Variants in SPNS2 observed in about 807,000 individuals in gnomAD.
SPNS2 encodes the protein SPNS lysolipid transporter 2, sphingosine-1-phosphate, also known as sphingosine-1-phosphate transporter SPNS2.
In SPNS2, 37 loss-of-function variants were observed where a neutral mutation model predicts 57.6. The observed-to-expected ratio is 0.64, with a 90% CI of 0.49 to 0.85. The LOEUF (loss-of-function observed/expected upper bound fraction) is 0.85, where lower values mean the gene tolerates loss of function less well. SPNS2 is among the 40% of genes least tolerant of loss of function. The probability of loss-of-function intolerance (pLI) is 0.00; values close to 1 mark genes in which losing one functional copy is unlikely to be tolerated. For synonymous variants in SPNS2, 440 were observed against 346.9 expected (o/e 1.27, Z -2.98); for missense variants, 831 against 779.1 (o/e 1.07, Z -0.79).
At chr17:4,513,806 G>C (rs1330439184) in intron 2 of SPNS2, among the ~76,000 whole-genome samples, 1 of 152,226 alleles carries the variant, frequency 6.6e-6, no homozygotes, top group Non-Finnish European at 1.5e-5. Context: ...CAGCCCCAGA[G>C]CGGTTCCCAA....
At position 4,533,238 on chromosome 17, in the gene SPNS2, C is replaced by T. The variant is rs763638535; in HGVS notation, c.1089-5C>T. On this transcript the variant is annotated splice_polypyrimidine_tract_variant and splice_region_variant and intron_variant, in intron 7 of 12. Coordinates refer to ENST00000329078, the MANE Select transcript of SPNS2 (RefSeq NM_001124758.3). The stretch of plus-strand genomic sequence containing the variant: ...CTCGTGCGCCACCATCCTCTGTCCC[C>T]ACAGCCTCATCTTTGGGGCCATCAC... 3.8e-6 allele frequency: 6 copies of T among 1,595,056 alleles called. No individual in the cohort carries two copies. In the Admixed American group the frequency reaches 1.0e-4, roughly 27 times the overall value.
In SPNS2 at chr17:4,511,069, A is replaced by G. The variant is rs1267046063; in HGVS notation, c.371-2178A>G. Among the ~76,000 whole-genome samples, 4 of 152,376 alleles carry G rather than the reference A, an allele frequency of 2.6e-5. No individual in the cohort carries two copies. The highest frequency in any genetic ancestry group is 2.1e-4 in the South Asian group (1 of 4,832). ...CTGTACCATCTTCAAAGCCTCACGC[A>G]GTTCCTTGGAACTTAGCGGGAAGCG... On this transcript the variant is annotated intron_variant, in intron 1 of 12. Coordinates refer to ENST00000329078, the MANE Select transcript of SPNS2 (RefSeq NM_001124758.3). The surrounding 1 kb of genome is among the most constrained non-coding windows in gnomAD (Gnocchi z 4.6).
At chr17:4,519,849 C>T (rs1348575718) in intron 2 of SPNS2, among the ~76,000 whole-genome samples, 3 of 152,220 alleles carry the variant, frequency 2.0e-5, no homozygotes, top group Non-Finnish European at 2.9e-5. Flanking sequence ...GGCAAGGCTT[C>T]GCCTATCCTG....
At position 4,538,940 on chromosome 17, in the gene SPNS2, T is replaced by C. The variant is rs755339098; in HGVS notation, c.*1492T>C. On this transcript the variant is annotated 3_prime_UTR_variant, in exon 13 of 13. Transcript: ENST00000329078. Reference sequence around the variant, plus strand: ...TCCTTCCGGAAGCCAAACTGCTCCTTTATTTTTTAGAGCTGCTGATTGTGA... The same window carrying C: ...TCCTTCCGGAAGCCAAACTGCTCCTCTATTTTTTAGAGCTGCTGATTGTGA... 1.3e-6 allele frequency: 1 copy of C among 783,984 alleles called. No individual in the cohort carries two copies. Among genetic ancestry groups the C allele is most frequent in the Non-Finnish European group, 2.4e-6 (1 of 420,792 alleles). 48.6% of individuals were successfully genotyped at this position (783,984 alleles called of 1,614,324 possible).
chr17:4,533,094 G>T lies in SPNS2; in HGVS notation c.1053G>T (p.Glu351Asp), dbSNP rs368417189. The T allele has an allele frequency of 1.9e-6, 3 of 1,612,678 alleles. No individual in the cohort carries two copies. In the African/African-American group the frequency reaches 4.0e-5, roughly 22 times the overall value. The change falls in exon 7 of 13, where the codon GAG becomes GAT. Residue 351 changes from glutamate to aspartate, a missense_variant. By Grantham distance (45) the Glu-to-Asp change is conservative (BLOSUM62 2). Coordinates refer to ENST00000329078, the MANE Select transcript of SPNS2 (RefSeq NM_001124758.3). ...HRAQVVQKTA[E>D]TCNSPPCGAK... is the part of the protein sequence containing the mutation. ...CCCAAGTTGTGCAGAAGACAGCAGA[G>T]ACGTGCAACAGCCCGCCCTGTGGGG...
intron 1 of SPNS2, among the ~76,000 whole-genome samples, chr17:4,509,256 A>G (rs1460251153): frequency 2.0e-5 from 3 of 152,104 alleles, no homozygotes; most frequent in Non-Finnish European, 4.4e-5. Context: ...AGGTGAGAAT[A>G]TTGACTTGGG....
At chr17:4,502,478 G>A (rs1904548342) in intron 1 of SPNS2, among the ~76,000 whole-genome samples, 1 of 152,100 alleles carries the variant, frequency 6.6e-6, no homozygotes, top group South Asian at 2.1e-4. Flanking sequence ...CCCAGTATGT[G>A]TATTTTCCAT....
intron 5 of SPNS2, among the ~76,000 whole-genome samples, chr17:4,531,668 G>A (rs1047327821): frequency 3.9e-5 from 6 of 151,974 alleles, no homozygotes; most frequent in South Asian, 4.2e-4. Context: ...AGCGGCCTCC[G>A]TGGAATTTCT....
intron 11 of SPNS2, 21 bp from the exon 12 acceptor site, chr17:4,536,879 C>T (rs1430424076): frequency 6.3e-5 from 101 of 1,612,236 alleles, no homozygotes; most frequent in Non-Finnish European, 8.0e-5. Context: ...CCACCCTGAC[C>T]CCCGCCCGTC....
intron 3 of SPNS2, among the ~76,000 whole-genome samples, chr17:4,526,860 G>C (rs1160960971): frequency 6.6e-6 from 1 of 152,212 alleles, no homozygotes; most frequent in Admixed American, 6.5e-5. Context: ...CAGCTTCGCA[G>C]AGGAGGGTCA....
chr17:4,521,925 A>G (rs1905148500), intron 2 of SPNS2, among the ~76,000 whole-genome samples: 1 of 152,230 alleles, frequency 6.6e-6, no homozygotes, highest in South Asian at 2.1e-4. Flanking sequence ...ACGGCCGGGC[A>G]CGGTGGCTCA....
intron 2 of SPNS2, among the ~76,000 whole-genome samples, chr17:4,520,152 G>A (rs1905103181): frequency 6.6e-6 from 1 of 152,234 alleles, no homozygotes; most frequent in Non-Finnish European, 1.5e-5. Context: ...TCAGCTGTTA[G>A]ATAGGGATGG....
intron 5 of SPNS2, among the ~76,000 whole-genome samples, chr17:4,532,119 C>T (rs1464967422): frequency 6.6e-6 from 1 of 151,998 alleles, no homozygotes; most frequent in Non-Finnish European, 1.5e-5. Context: ...ATCCACCATC[C>T]GTCCGTCTAT....
At chr17:4,534,319 T>C (rs1905658035) in intron 9 of SPNS2, 1 of 201,642 alleles carries the variant, frequency 5.0e-6, no homozygotes. Flanking sequence ...GACAAAGGGC[T>C]GTCTTGAGCG....
In SPNS2 at chr17:4,536,283, G is replaced by A. The variant is rs370158355; in HGVS notation, c.1464G>A (p.Gln488=). 8.1e-5 allele frequency: 130 copies of A among 1,612,484 alleles called. No homozygotes were observed. Among genetic ancestry groups the A allele is most frequent in the Non-Finnish European group, 9.9e-5 (117 of 1,179,936 alleles). ...CGCAGATCTCAGACCTGATCCGCCAGAGCACTAAGGACTCCCCGCTCTGGG... is the reference window on the plus strand; with the variant it reads ...CGCAGATCTCAGACCTGATCCGCCAAAGCACTAAGGACTCCCCGCTCTGGG... ...LIGFISDLIR[Q]STKDSPLWEF... The change falls in exon 11 of 13, where the codon CAG becomes CAA. Residue 488 remains glutamine, a synonymous_variant. Coordinates refer to ENST00000329078, the MANE Select transcript of SPNS2 (RefSeq NM_001124758.3).
intron 12 of SPNS2, 125 bp from the exon 13 acceptor site, chr17:4,537,328 G>C: frequency 4.9e-6 from 2 of 409,066 alleles, no homozygotes; most frequent in Non-Finnish European, 9.4e-6. Context: ...ACGAGACCCA[G>C]GGTCACAGCT....
intron 2 of SPNS2, among the ~76,000 whole-genome samples, chr17:4,517,474 C>T (rs1905024759): frequency 6.6e-6 from 1 of 152,212 alleles, no homozygotes; most frequent in African/African-American, 2.4e-5. Context: ...CCTGAACCAA[C>T]ATGGTGAACC....
At chr17:4,509,664 G>A (rs1904777916) in intron 1 of SPNS2, among the ~76,000 whole-genome samples, 1 of 152,266 alleles carries the variant, frequency 6.6e-6, no homozygotes, top group Admixed American at 6.5e-5. Flanking sequence ...TGTTGGCCCA[G>A]AGTAGGGGAC....
intron 2 of SPNS2, among the ~76,000 whole-genome samples, chr17:4,524,808 G>A (rs973251124): frequency 6.6e-6 from 1 of 152,218 alleles, no homozygotes; most frequent in African/African-American, 2.4e-5. Flanking sequence ...AGTACCCAAA[G>A]GGCTCACCCA....
Sources: gnomAD v4.1 joint callset for allele counts (sites outside exome capture counted in the v4.1 genomes callset) on GRCh38, gnomAD v4.1.1 for gene constraint, Gnocchi (gnomAD v3.1) non-coding constraint, MANE v1.5 for transcripts, NCBI Gene and HGNC (gene_info 2026-07-23, HGNC 2026-07-21) for gene names.